Variants in SLC8B1 observed in about 807,000 individuals in gnomAD.
The protein encoded by SLC8B1 is solute carrier family 8 member B1, also known as mitochondrial sodium/calcium exchanger protein.
In SLC8B1, 52 loss-of-function variants were observed where a neutral mutation model predicts 63.4. That is an observed-to-expected ratio of 0.82 (90% confidence interval 0.66 to 1.03). The LOEUF is 1.03. Among genes scored for constraint, SLC8B1 ranks in the 50% least tolerant of loss-of-function variants. SLC8B1 has a pLI of 0.00. For synonymous variants in SLC8B1, 336 were observed against 323.9 expected (o/e 1.04, Z -0.40); for missense variants, 657 against 741.7 (o/e 0.89, Z 1.33).
intron 15 of SLC8B1, among the ~76,000 whole-genome samples, chr12:113,300,489 TAAATA>T (rs1360638706): frequency 6.6e-6 from 1 of 151,074 alleles, no homozygotes; most frequent in Admixed American, 6.6e-5. Flanking sequence ...TCTCAAAAAA[TAAATA>T]AAATAACAAC....
chr12:113,327,261 G>C (rs903549896), intron 2 of SLC8B1, among the ~76,000 whole-genome samples: 61 of 152,268 alleles, frequency 4.0e-4, no homozygotes, highest in African/African-American at 1.4e-3. Flanking sequence ...AGGCAGTACA[G>C]CTCCCTCTAC....
At position 113,332,863 on chromosome 12, in the gene SLC8B1, GC is replaced by G. The variant is rs2136873012; in HGVS notation, c.15del (p.Arg5SerfsTer2). On this transcript the variant is annotated frameshift_variant, in exon 2 of 16. Coordinates refer to ENST00000680972, the MANE Select transcript of SLC8B1 (RefSeq NM_001358345.2). LOFTEE classifies it high-confidence loss of function. The stretch of plus-strand genomic sequence containing the variant: ...ACACTCAGTGCCCAGCGCAGATTCA[GC>G]CTTCTGCCGGCCATCTGCCCCCACG... MAGR[R>X]LNLRWALSVL... 1 of 1,614,048 alleles carries G rather than the reference GC, an allele frequency of 6.2e-7. No homozygotes were observed. Among genetic ancestry groups the G allele is most frequent in the Non-Finnish European group, 8.5e-7 (1 of 1,180,018 alleles).
chr12:113,307,460 G>A (rs191846523), intron 13 of SLC8B1, among the ~76,000 whole-genome samples: 140 of 152,240 alleles, frequency 9.2e-4, no homozygotes, highest in African/African-American at 3.2e-3. Context: ...GACCATCCCC[G>A]CATCAGAGGG....
At position 113,320,878 on chromosome 12, in the gene SLC8B1, G is replaced by A. The variant is rs552399796; in HGVS notation, c.392C>T (p.Thr131Ile). 6 of 1,607,174 alleles carry A rather than the reference G, an allele frequency of 3.7e-6. No individual in the cohort carries two copies. In the South Asian group the frequency reaches 6.7e-5, roughly 18 times the overall value. Residue 131 changes from threonine to isoleucine, a missense_variant, in exon 5 of 16, where the codon ACC becomes ATC. Coordinates refer to ENST00000680972, the MANE Select transcript of SLC8B1 (RefSeq NM_001358345.2). This position sits in a 1 kb window ranked among gnomAD's most constrained non-coding sequence, Gnocchi z 5.3. ...CACGTTGTGGGAGAGCTTCAGTGTGGTAGAAATGGCCGACAAGTTGGGGCA... is the reference window on the plus strand; with the variant it reads ...CACGTTGTGGGAGAGCTTCAGTGTGATAGAAATGGCCGACAAGTTGGGGCA... ...FFCPNLSAIS[T>I]TLKLSHNVAG...
At position 113,332,921 on chromosome 12, in the gene SLC8B1, T is replaced by C. The variant is rs769679845; in HGVS notation, c.-43A>G. 8.1e-6 allele frequency: 13 copies of C among 1,604,430 alleles called. No individual in the cohort carries two copies. Among genetic ancestry groups the C allele is most frequent in the Admixed American group, 5.1e-5 (3 of 59,026 alleles). ...GGCCCTTACTCTCCACTTCCCTTTC[T>C]GCAGTAGCTCAGTTCCAAACAGCTG... On this transcript the variant is annotated 5_prime_UTR_variant, in exon 2 of 16. Coordinates refer to ENST00000680972, the MANE Select transcript of SLC8B1 (RefSeq NM_001358345.2).
In SLC8B1 at chr12:113,321,179, C is replaced by G; in HGVS notation, c.309+17G>C. On this transcript the variant is annotated intron_variant, in intron 3 of 15. Transcript: ENST00000680972. ...GACACCAGCCCCTCTCACCAGCCCC[C>G]CAGGGCAGGGCCTCACGTAGAGAGT... The G allele has an allele frequency of 6.2e-7, 1 of 1,614,044 alleles. No homozygotes were observed. Among genetic ancestry groups the G allele is most frequent in the Middle Eastern group, 1.7e-4 (1 of 6,060 alleles).
intron 2 of SLC8B1, among the ~76,000 whole-genome samples, chr12:113,326,835 C>G (rs926707087): frequency 6.6e-6 from 1 of 152,096 alleles, no homozygotes; most frequent in African/African-American, 2.4e-5. Flanking sequence ...GAGCCCACAA[C>G]CCGGCCCTAC....
intron 8 of SLC8B1, among the ~76,000 whole-genome samples, chr12:113,318,423 T>G (rs1956871215): frequency 6.6e-6 from 1 of 151,780 alleles, no homozygotes; most frequent in South Asian, 2.1e-4. Flanking sequence ...TTTGTATGTG[T>G]GTTGTGTGTA....
chr12:113,313,770 A>G (rs1178064416), intron 11 of SLC8B1, among the ~76,000 whole-genome samples: 5 of 152,060 alleles, frequency 3.3e-5, no homozygotes, highest in African/African-American at 1.2e-4. Context: ...CAAATGTAAT[A>G]GTATAGAGTA....
chr12:113,323,530 G>A (rs1956958006), intron 2 of SLC8B1, among the ~76,000 whole-genome samples: 1 of 152,124 alleles, frequency 6.6e-6, no homozygotes, highest in African/African-American at 2.4e-5. Flanking sequence ...TCAACATGGG[G>A]AAACCCCGTC....
At chr12:113,327,681 CAA>C (rs1190508653) in intron 2 of SLC8B1, among the ~76,000 whole-genome samples, 31 of 104,690 alleles carry the variant, frequency 3.0e-4, no homozygotes, top group Admixed American at 3.2e-4. Context: ...GACTCTGTCT[CAA>C]AAAAAAAAAA....
At chr12:113,307,885 C>A in intron 12 of SLC8B1, 41 bp from the exon 13 acceptor site, 1 of 1,598,616 alleles carries the variant, frequency 6.3e-7, no homozygotes. Context: ...AGGCCAGCCC[C>A]AACAGGAACA....
chr12:113,314,674 G>C (rs1593247049), intron 11 of SLC8B1, among the ~76,000 whole-genome samples: 1 of 152,332 alleles, frequency 6.6e-6, no homozygotes, highest in South Asian at 2.1e-4. Flanking sequence ...GCACCCCATA[G>C]GGGGTGCCCC....
At chr12:113,324,045 C>T (rs1956963936) in intron 2 of SLC8B1, among the ~76,000 whole-genome samples, 1 of 152,298 alleles carries the variant, frequency 6.6e-6, no homozygotes, top group South Asian at 2.1e-4. Flanking sequence ...GGTAAACTGG[C>T]TCACACCTGT....
At chr12:113,315,199 T>C (rs1378508692) in intron 11 of SLC8B1, 136 bp downstream of exon 11, 7 of 889,352 alleles carry the variant, frequency 7.9e-6, no homozygotes, top group Middle Eastern at 2.7e-4. Context: ...GATGGGATGA[T>C]TGCTTGAACC....
chr12:113,317,098 T>C (rs1334376888), intron 8 of SLC8B1, 97 bp from the exon 9 acceptor site: 14 of 1,016,964 alleles, frequency 1.4e-5, no homozygotes, highest in Middle Eastern at 2.0e-4. Context: ...GTTCAGGCCA[T>C]CTTATTTACT....
At chr12:113,306,712 G>T in intron 13 of SLC8B1, 137 bp from the exon 14 acceptor site, 2 of 688,950 alleles carry the variant, frequency 2.9e-6, no homozygotes, top group Non-Finnish European at 5.1e-6. Flanking sequence ...GGCACTAGCT[G>T]GTGGGGTGCT....
Position 113,320,188 on chromosome 12 carries a change from G to T in SLC8B1, c.694+143C>A. The T allele has an allele frequency of 9.5e-7, 1 of 1,057,920 alleles. No homozygotes were observed. Among genetic ancestry groups the T allele is most frequent in the Non-Finnish European group, 1.4e-6 (1 of 734,430 alleles). The allele number at this position is 1,057,920 out of a possible 1,614,324, so 65.5% of individuals were successfully genotyped here. A position where few individuals can be genotyped will look rare whatever the true frequency, so the allele number is the denominator to read the frequency against. ...CCCACATGTTCCCATTTTTGCTCAA[G>T]CCAGCTTGAGGAGGGTTTCTGTCAC... On this transcript the variant is annotated intron_variant, in intron 7 of 15. Coordinates refer to ENST00000680972, the MANE Select transcript of SLC8B1 (RefSeq NM_001358345.2). The surrounding 1 kb of genome is among the most constrained non-coding windows in gnomAD (Gnocchi z 5.3).
intron 7 of SLC8B1, among the ~76,000 whole-genome samples, chr12:113,319,705 C>T (rs1334465225): frequency 6.6e-6 from 1 of 152,202 alleles, no homozygotes; most frequent in African/African-American, 2.4e-5. Context: ...CCCCTTGAGC[C>T]GTCTGAATGG....
Sources: gnomAD v4.1 joint callset for allele counts (sites outside exome capture counted in the v4.1 genomes callset) on GRCh38, gnomAD v4.1.1 for gene constraint, Gnocchi (gnomAD v3.1) non-coding constraint, MANE v1.5 for transcripts, NCBI Gene and HGNC (gene_info 2026-07-23, HGNC 2026-07-21) for gene names.